The following MBP variants were observed in gnomAD, a reference collection of about 807,000 sequenced individuals.
MBP encodes the protein myelin basic protein, also known as Golli-MBP.
MBP carries 16 observed loss-of-function variants against 35.8 expected under a neutral mutation model. The ratio of observed to expected loss-of-function variants is 0.45; its 90% CI spans 0.30 to 0.68. MBP has a LOEUF of 0.68. Among genes scored for constraint, MBP ranks in the 30% least tolerant of loss-of-function variants. The probability of loss-of-function intolerance (pLI) is 0.08; values close to 1 mark genes in which losing one functional copy is unlikely to be tolerated. For synonymous variants in MBP, 143 were observed against 159.6 expected, an observed-to-expected ratio of 0.90 and a Z score of 0.78; for missense variants, 380 against 404.7, an observed-to-expected ratio of 0.94 and a Z score of 0.52.
At chr18:77,008,715 C>G (rs995102197) in intron 4 of MBP, among the ~76,000 whole-genome samples, 1 of 152,198 alleles carries the variant, frequency 6.6e-6, no homozygotes, top group Non-Finnish European at 1.5e-5. Flanking sequence ...GACTGGCCAT[C>G]CCGGGGCCAG....
chr18:76,996,040 C>T (rs1264936744), intron 4 of MBP, among the ~76,000 whole-genome samples: 1 of 152,208 alleles, frequency 6.6e-6, no homozygotes, highest in African/African-American at 2.4e-5. Context: ...CTTGAATAAA[C>T]ACTTCAGCAA....
At chr18:77,073,937 G>A (rs545232998) in intron 2 of MBP, among the ~76,000 whole-genome samples, 8 of 148,674 alleles carry the variant, frequency 5.4e-5, no homozygotes, top group African/African-American at 9.7e-5. Flanking sequence ...TATCGGAAAC[G>A]AAATGAGATA....
At chr18:77,109,741 C>T (rs762712866) in intron 1 of MBP, 2 of 152,204 alleles carry the variant, frequency 1.3e-5, no homozygotes, top group Non-Finnish European at 1.5e-5. Context: ...TGCCATAATG[C>T]AAGGTCAAGT....
intron 3 of MBP, among the ~76,000 whole-genome samples, chr18:77,065,295 G>A (rs993828257): frequency 1.3e-5 from 2 of 152,108 alleles, no homozygotes; most frequent in Non-Finnish European, 2.9e-5. Context: ...GGGTGGCATC[G>A]CATGGTGACA....
chr18:77,013,813 A>G (rs1454193020), intron 4 of MBP: 1 of 985,300 alleles, frequency 1.0e-6, no homozygotes, highest in Non-Finnish European at 1.2e-6. Context: ...GTGGCACATC[A>G]CCATGTCCAG....
At chr18:77,009,875 G>A (rs1971240268) in intron 4 of MBP, 1 of 1,594,410 alleles carries the variant, frequency 6.3e-7, no homozygotes, top group South Asian at 1.1e-5. Context: ...AGCCCAGGCT[G>A]GCTGCGGGCA....
intron 2 of MBP, among the ~76,000 whole-genome samples, chr18:77,074,196 T>C (rs1243353753): frequency 1.3e-5 from 2 of 152,116 alleles, no homozygotes; most frequent in African/African-American, 4.8e-5. Flanking sequence ...TTTTTCTGTT[T>C]CTCCCACTTT....
chr18:77,080,014 T>A (rs1346923557), intron 2 of MBP, among the ~76,000 whole-genome samples: 1 of 152,224 alleles, frequency 6.6e-6, no homozygotes, highest in East Asian at 1.9e-4. Flanking sequence ...GCATGTTTTT[T>A]AAACCTAAAT....
At chr18:77,124,163 T>A (rs1221338566) in intron 1 of MBP, among the ~76,000 whole-genome samples, 1 of 152,154 alleles carries the variant, frequency 6.6e-6, no homozygotes, top group Non-Finnish European at 1.5e-5. Flanking sequence ...CCTCCCTTTC[T>A]CCAGCCTCCT....
At chr18:77,065,858 C>T (rs79331523) in intron 3 of MBP, 8,358 of 158,742 alleles carry the variant, frequency 0.053, 239 homozygotes, top group South Asian at 0.11. Context: ...TCTACACAGC[C>T]GACATTTTAA....
chr18:77,009,936 G>T, intron 4 of MBP: 1 of 1,571,552 alleles, frequency 6.4e-7, no homozygotes, highest in Non-Finnish European at 8.6e-7. Flanking sequence ...CCTGCCGGGG[G>T]ACACAGAGTG....
chr18:77,028,995 T>A (rs1366017816), intron 3 of MBP, among the ~76,000 whole-genome samples: 18 of 108,906 alleles, frequency 1.7e-4, no homozygotes, highest in East Asian at 2.8e-4. Context: ...CGCTCCTCAC[T>A]TCCCAGACGG....
intron 1 of MBP, among the ~76,000 whole-genome samples, chr18:77,123,062 T>G (rs1317681345): frequency 6.6e-6 from 1 of 152,224 alleles, no homozygotes; most frequent in Admixed American, 6.5e-5. Flanking sequence ...TGACATCTAT[T>G]TTCTCTTAAC....
chr18:77,094,379 T>A (rs1975672616), intron 2 of MBP, among the ~76,000 whole-genome samples: 1 of 152,218 alleles, frequency 6.6e-6, no homozygotes, highest in African/African-American at 2.4e-5. Context: ...AGGGTGGGCT[T>A]TGGGGGGTGC....
At chr18:77,098,872 G>A (rs529419676) in intron 2 of MBP, among the ~76,000 whole-genome samples, 14 of 152,086 alleles carry the variant, frequency 9.2e-5, no homozygotes, top group African/African-American at 2.7e-4. Flanking sequence ...TTTTATCCAC[G>A]GCAATCCTTA....
intron 3 of MBP, among the ~76,000 whole-genome samples, chr18:77,050,634 T>A (rs1232315996): frequency 1.3e-5 from 2 of 152,142 alleles, no homozygotes; most frequent in Non-Finnish European, 2.9e-5. Context: ...GCAACCTGTG[T>A]CTCCCAGATT....
intron 3 of MBP, among the ~76,000 whole-genome samples, chr18:77,059,056 C>G (rs1162672319): frequency 6.6e-6 from 1 of 152,032 alleles, no homozygotes; most frequent in Non-Finnish European, 1.5e-5. Context: ...TTCGCCAGCA[C>G]GAGTTCGGGG....
At chr18:77,120,111 C>T (rs938277538) in intron 1 of MBP, among the ~76,000 whole-genome samples, 3 of 152,252 alleles carry the variant, frequency 2.0e-5, no homozygotes, top group Admixed American at 2.0e-4. Flanking sequence ...GCATGAATCC[C>T]GCCTTGTCTC....
intron 4 of MBP, among the ~76,000 whole-genome samples, chr18:76,994,464 C>G (rs1314215765): frequency 6.6e-6 from 1 of 152,198 alleles, no homozygotes; most frequent in Non-Finnish European, 1.5e-5. Context: ...ATGCAGATCT[C>G]AGAGGATTTT....
Sources: gnomAD v4.1 joint callset for allele counts (sites outside exome capture counted in the v4.1 genomes callset) on GRCh38, gnomAD v4.1.1 for gene constraint, MANE v1.5 for transcripts, NCBI Gene and HGNC (gene_info 2026-07-23, HGNC 2026-07-21) for gene names.